Variants in CRISPLD1 observed in about 807,000 individuals in gnomAD.
CRISPLD1 encodes the protein cysteine rich secretory protein LCCL domain containing 1.
CRISPLD1 carries 60 observed loss-of-function variants against 77.5 expected under a neutral mutation model. The ratio of observed to expected loss-of-function variants is 0.77; its 90% confidence interval spans 0.63 to 0.96. The LOEUF (loss-of-function observed/expected upper bound fraction) is 0.96, where lower values mean the gene tolerates loss of function less well. Among genes scored for constraint, CRISPLD1 ranks in the 40% least tolerant of loss-of-function variants. The pLI is 0.00. For missense variants in CRISPLD1, 623 were observed against 615.8 expected (o/e 1.01, Z -0.12); for synonymous variants, 195 against 200.1 (o/e 0.97, Z 0.22).
chr8:75,007,158 G>A (rs1484242663), intron 2 of CRISPLD1, among the ~76,000 whole-genome samples: 2 of 151,932 alleles, frequency 1.3e-5, no homozygotes, highest in Non-Finnish European at 2.9e-5. Flanking sequence ...GTTATAAAGA[G>A]TAAACAAGCC....
chr8:74,996,135 A>C (rs929042286), intron 2 of CRISPLD1, among the ~76,000 whole-genome samples: 2 of 151,752 alleles, frequency 1.3e-5, no homozygotes, highest in African/African-American at 4.8e-5. Flanking sequence ...TAATACATGT[A>C]TATGTGTGAT....
In CRISPLD1 at chr8:75,016,552, C is replaced by T. The variant is rs754748334; in HGVS notation, c.728-13C>T. The stretch of plus-strand genomic sequence containing the variant: ...ATAGGGTTAATATTTCCTAAATCTG[C>T]TTTCTCTAACAGAAGGGTCAGACAG... On this transcript the variant is annotated splice_polypyrimidine_tract_variant and intron_variant, in intron 6 of 14. Transcript: ENST00000262207. The T allele has an allele frequency of 6.9e-6, 11 of 1,597,298 alleles. No homozygotes were observed. The East Asian group carries it at 2.5e-4, about 36-fold the overall frequency.
intron 2 of CRISPLD1, among the ~76,000 whole-genome samples, chr8:75,010,637 C>T (rs1386313596): frequency 2.0e-5 from 3 of 152,068 alleles, no homozygotes; most frequent in Non-Finnish European, 4.4e-5. Flanking sequence ...GTTACCCATT[C>T]TCTACTCCCA....
chr8:75,020,068 A>C lies in CRISPLD1; in HGVS notation c.1233A>C (p.Ser411=), dbSNP rs1813105634. Reference sequence around the variant, plus strand: ...TCTGTCCATTTCATAAGCCTGCTTCACATTGCCCAAGGTAAACCAGTGTAC... The same window carrying C: ...TCTGTCCATTTCATAAGCCTGCTTCCCATTGCCCAAGGTAAACCAGTGTAC... ...EQLCPFHKPA[S]HCPRVYCPRN... is the part of the protein sequence containing the mutation. Residue 411 remains serine (S), a synonymous_variant, in exon 12 of 15, where the codon TCA becomes TCC. Transcript: ENST00000262207. 4 of 1,613,930 alleles carry C rather than the reference A, an allele frequency of 2.5e-6. No individual in the cohort carries two copies. Among genetic ancestry groups the C allele is most frequent in the Non-Finnish European group, 3.4e-6 (4 of 1,179,922 alleles).
chr8:74,997,776 T>C (rs1812668030), intron 2 of CRISPLD1, among the ~76,000 whole-genome samples: 1 of 152,118 alleles, frequency 6.6e-6, no homozygotes, highest in Non-Finnish European at 1.5e-5. Context: ...AAAGTTAACC[T>C]TTTTCACTAT....
intron 2 of CRISPLD1, among the ~76,000 whole-genome samples, chr8:75,000,787 C>A (rs1022228651): frequency 1.3e-5 from 2 of 151,838 alleles, no homozygotes; most frequent in Admixed American, 6.6e-5. Flanking sequence ...TTTGCATTCC[C>A]CAGTTGTGTG....
chr8:75,020,122 T>C (rs1813107405), intron 12 of CRISPLD1, 43 bp downstream of exon 12: 1 of 1,493,732 alleles, frequency 6.7e-7, no homozygotes, highest in Admixed American at 1.7e-5. Context: ...CTGTGATAAC[T>C]GTTTTTGCCT....
In CRISPLD1 at chr8:75,020,754, ACAT is replaced by A. The variant is rs1284047520; in HGVS notation, c.1244+679_1244+681del. On this transcript the variant is annotated intron_variant, in intron 12 of 14. Coordinates refer to ENST00000262207, the MANE Select transcript of CRISPLD1 (RefSeq NM_031461.6). ...CTAAAGTGGCATAACTCATATTTTA[ACAT>A]CATTATCCAGTTTTTTAAATTAGAT... Among the ~76,000 whole-genome samples the A allele has an allele frequency of 2.6e-5, 4 of 152,362 alleles. No individual in the cohort carries two copies. The East Asian group carries it at 7.7e-4, about 29-fold the overall frequency.
Position 75,020,764 on chromosome 8 carries a change from C to T in CRISPLD1, c.1244+685C>T, listed in dbSNP as rs148652001. Among the ~76,000 whole-genome samples, 369 of 152,222 alleles carry T rather than the reference C, an allele frequency of 2.4e-3. 5 individuals are homozygous for T. Among genetic ancestry groups the T allele is most frequent in the African/African-American group, 8.3e-3 (346 of 41,536 alleles). On this transcript the variant is annotated intron_variant, in intron 12 of 14. Transcript: ENST00000262207. The stretch of plus-strand genomic sequence containing the variant: ...ATAACTCATATTTTAACATCATTAT[C>T]CAGTTTTTTAAATTAGATCAATCTG...
rs1369732279 is a variant in CRISPLD1 at position 75,034,065 on chromosome 8, G to C, written c.*1823G>C. On this transcript the variant is annotated 3_prime_UTR_variant, in exon 15 of 15. Coordinates refer to ENST00000262207, the MANE Select transcript of CRISPLD1 (RefSeq NM_031461.6). Reference sequence around the variant, plus strand: ...TCCACTTACTATTGTAATACCTTCAGCTGGAGCCTGTGTCTTTCTCCATTC... The same window carrying C: ...TCCACTTACTATTGTAATACCTTCACCTGGAGCCTGTGTCTTTCTCCATTC... 6.6e-6 allele frequency: 1 copy of C among 151,992 alleles called. No individual in the cohort carries two copies. Among genetic ancestry groups the C allele is most frequent in the African/African-American group, 2.4e-5 (1 of 41,422 alleles). The allele number at this position is 151,992 out of a possible 1,614,324, so 9.4% of individuals were successfully genotyped here.
rs975074075 is a variant in CRISPLD1, at chr8:75,033,749, A to T, written c.*1507A>T. On this transcript the variant is annotated 3_prime_UTR_variant, in exon 15 of 15. Coordinates refer to ENST00000262207, the MANE Select transcript of CRISPLD1 (RefSeq NM_031461.6). ...ATAAATAGCTTCTGGAGTGCAAATT[A>T]TAAAGACATCAACATTTTTGATCAT... is the stretch of plus-strand genomic sequence containing the variant. The T allele has an allele frequency of 6.6e-6, 1 of 152,096 alleles. No homozygotes were observed. The highest frequency in any genetic ancestry group is 2.4e-5 in the African/African-American group (1 of 41,460). The allele number at this position is 152,096 out of a possible 1,614,324, so 9.4% of individuals were successfully genotyped here.
At chr8:75,024,086 A>C (rs952955117) in intron 12 of CRISPLD1, among the ~76,000 whole-genome samples, 2 of 152,184 alleles carry the variant, frequency 1.3e-5, no homozygotes, top group African/African-American at 4.8e-5. Flanking sequence ...GATAAATGCA[A>C]AGGCTCTAAG....
rs1209263539 is a variant in CRISPLD1, at chr8:75,032,563, C to T, written c.*321C>T. 1 of 149,126 alleles carries T rather than the reference C, an allele frequency of 6.7e-6. No individual in the cohort carries two copies. Among genetic ancestry groups the T allele is most frequent in the Non-Finnish European group, 1.5e-5 (1 of 67,876 alleles). 9.2% of individuals were successfully genotyped at this position (149,126 alleles called of 1,614,324 possible). ...ATTATATGGTGCTTTGTATATGCCA[C>T]TAATAAAATGAATCTAAACATTGAA... On this transcript the variant is annotated 3_prime_UTR_variant, in exon 15 of 15. Transcript: ENST00000262207.
intron 2 of CRISPLD1, among the ~76,000 whole-genome samples, chr8:74,999,486 C>A (rs1812701584): frequency 6.6e-6 from 1 of 152,040 alleles, no homozygotes; most frequent in African/African-American, 2.4e-5. Flanking sequence ...CCTATGAATC[C>A]CCTGGGAATC....
intron 2 of CRISPLD1, among the ~76,000 whole-genome samples, chr8:74,997,685 G>A (rs751024240): frequency 2.1e-4 from 32 of 152,202 alleles, no homozygotes; most frequent in Non-Finnish European, 4.0e-4. Flanking sequence ...GAAGTTAGCT[G>A]AGAACCAGTG....
chr8:75,028,384 C>T (rs1813273504), intron 13 of CRISPLD1, among the ~76,000 whole-genome samples: 1 of 152,042 alleles, frequency 6.6e-6, no homozygotes, highest in South Asian at 2.1e-4. Context: ...TTAAATCACT[C>T]ACATGTGCAT....
intron 13 of CRISPLD1, chr8:75,026,840 C>T (rs1424511102): frequency 6.6e-6 from 1 of 152,154 alleles, no homozygotes; most frequent in Non-Finnish European, 1.5e-5. Context: ...GAGTCTCTCT[C>T]AAGCTCCAGA....
intron 2 of CRISPLD1, among the ~76,000 whole-genome samples, chr8:75,003,472 CAT>C (rs1296969608): frequency 6.6e-6 from 1 of 152,036 alleles, no homozygotes; most frequent in Non-Finnish European, 1.5e-5. Context: ...GAATATAAAA[CAT>C]AAACTAATTC....
At chr8:74,989,594 G>C (rs554249486) in intron 2 of CRISPLD1, among the ~76,000 whole-genome samples, 1 of 151,512 alleles carries the variant, frequency 6.6e-6, no homozygotes, top group African/African-American at 2.4e-5. Context: ...ACACTTGTTA[G>C]TGGGGTTGTT....
Sources: gnomAD v4.1 joint callset for allele counts (sites outside exome capture counted in the v4.1 genomes callset) on GRCh38, gnomAD v4.1.1 for gene constraint, MANE v1.5 for transcripts, NCBI Gene and HGNC (gene_info 2026-07-23, HGNC 2026-07-21) for gene names.